ARHGAP42: variants seen among roughly 807,000 people sequenced by gnomAD.
The protein encoded by ARHGAP42 is Rho GTPase activating protein 42.
A neutral mutation model predicts 125.0 loss-of-function variants in ARHGAP42; 63 were observed. That is an observed-to-expected ratio of 0.50 (90% CI 0.41 to 0.62). The LOEUF (loss-of-function observed/expected upper bound fraction) is 0.62, where lower values mean the gene tolerates loss of function less well. Among genes scored for constraint, ARHGAP42 ranks in the 20% least tolerant of loss-of-function variants. ARHGAP42 has a pLI of 0.00. For synonymous variants in ARHGAP42, 339 were observed against 351.0 expected (o/e 0.97, Z 0.38); for missense variants, 766 against 1,024.2 (o/e 0.75, Z 3.44).
At chr11:100,895,074 A>T (rs564091419) in intron 4 of ARHGAP42, among the ~76,000 whole-genome samples, 1 of 152,326 alleles carries the variant, frequency 6.6e-6, no homozygotes, top group South Asian at 2.1e-4. Flanking sequence ...CAGAATGTTT[A>T]AGCTGAAATC....
intron 1 of ARHGAP42, among the ~76,000 whole-genome samples, chr11:100,770,090 C>G (rs1862937527): frequency 6.6e-6 from 1 of 152,116 alleles, no homozygotes; most frequent in Non-Finnish European, 1.5e-5. Flanking sequence ...GCCACCAAAA[C>G]TCTCTTAAAG....
rs141920224 is a variant in ARHGAP42, at chr11:100,876,300, T to C, written c.384+16675T>C. Reference sequence around the variant, plus strand: ...AAACCTTTTACCTTTGAAGAAAATATATACGTTCTTAGTTTAGGGCTATAG... The same window carrying C: ...AAACCTTTTACCTTTGAAGAAAATACATACGTTCTTAGTTTAGGGCTATAG... On this transcript the variant is annotated intron_variant, in intron 4 of 23. Coordinates refer to ENST00000298815, the MANE Select transcript of ARHGAP42 (RefSeq NM_152432.4). Among the ~76,000 whole-genome samples the C allele has an allele frequency of 3.9e-5, 6 of 152,328 alleles. No individual in the cohort carries two copies. The East Asian group carries it at 1.2e-3, about 29-fold the overall frequency.
rs182220524 is a variant in ARHGAP42, at chr11:100,944,625, A to G, written c.1043+757A>G. ...GGTTCCAAACCACTGTAATAAAGCG[A>G]ATATCATAATAAACTGAGTCACAGA... On this transcript the variant is annotated intron_variant, in intron 10 of 23. Transcript: ENST00000298815. 2.3e-3 allele frequency among the ~76,000 whole-genome samples: 354 copies of G among 152,128 alleles called. 1 individual carries two copies. Among genetic ancestry groups the G allele is most frequent in the African/African-American group, 8.2e-3 (341 of 41,526 alleles).
At chr11:100,845,076 GAT>G (rs148986702) in intron 3 of ARHGAP42, among the ~76,000 whole-genome samples, 48 of 148,258 alleles carry the variant, frequency 3.2e-4, no homozygotes, top group South Asian at 6.4e-4. Flanking sequence ...AAGAAACTGT[GAT>G]ATATATATAT....
chr11:100,799,900 A>G lies in ARHGAP42; in HGVS notation c.312+4734A>G, dbSNP rs191496447. Among the ~76,000 whole-genome samples the G allele has an allele frequency of 1.1e-4, 17 of 152,284 alleles. No individual in the cohort carries two copies. In the East Asian group the frequency reaches 2.3e-3, roughly 21 times the overall value. ...CGTAGTAGAAATGTGAAATGGTAAA[A>G]TGGTTGATTGGACAAGTGGAGAATA... is the stretch of plus-strand genomic sequence containing the variant. On this transcript the variant is annotated intron_variant, in intron 3 of 23. Transcript: ENST00000298815.
In ARHGAP42 at chr11:100,992,796, T is replaced by C; in HGVS notation, c.*3995T>C. ...AAATAAAGAATCTTACATAAGAATG[T>C]TGACAACATTCACAGTAAGCCATTG... On this transcript the variant is annotated 3_prime_UTR_variant, in exon 24 of 24. Coordinates refer to ENST00000298815, the MANE Select transcript of ARHGAP42 (RefSeq NM_152432.4). The C allele has an allele frequency of 7.3e-7, 1 of 1,374,202 alleles. No homozygotes were observed. Among genetic ancestry groups the C allele is most frequent in the Non-Finnish European group, 9.9e-7 (1 of 1,008,716 alleles). The allele number at this position is 1,374,202 out of a possible 1,614,324, so 85.1% of individuals were successfully genotyped here.
chr11:100,878,101 T>C (rs536984884), intron 4 of ARHGAP42, among the ~76,000 whole-genome samples: 2 of 151,400 alleles, frequency 1.3e-5, no homozygotes, highest in African/African-American at 4.8e-5. Flanking sequence ...AAAATGGTAA[T>C]AAATGCCAAT....
chr11:100,746,418 TTGACTGGAGGACCACCCTAG>T (rs1469210568), intron 1 of ARHGAP42, among the ~76,000 whole-genome samples: 5 of 152,226 alleles, frequency 3.3e-5, no homozygotes, highest in Non-Finnish European at 5.9e-5. Context: ...CCACGCCCAG[TTGACTGGAGGACCACCCTAG>T]TGGAAAGGGG....
At chr11:100,865,257 T>C (rs1213860983) in intron 4 of ARHGAP42, among the ~76,000 whole-genome samples, 1 of 152,198 alleles carries the variant, frequency 6.6e-6, no homozygotes, top group Non-Finnish European at 1.5e-5. Flanking sequence ...ATTAAGCATG[T>C]AATATCCAAA....
At position 100,700,061 on chromosome 11, in the gene ARHGAP42, G is replaced by A. The variant is rs113066589; in HGVS notation, c.154+12229G>A. On this transcript the variant is annotated intron_variant, in intron 1 of 23. Transcript: ENST00000298815. ...CCGGCAGATGTCAGAGATATTGCAG[G>A]TTTGGTTGCAGACCACCGCAATAAA... Among the ~76,000 whole-genome samples the A allele has an allele frequency of 3.7e-3, 562 of 152,126 alleles. 1 individual carries two copies. The highest frequency in any genetic ancestry group is 6.2e-3 in the Non-Finnish European group (421 of 68,004).
intron 1 of ARHGAP42, among the ~76,000 whole-genome samples, chr11:100,691,709 G>T (rs1367819808): frequency 6.6e-6 from 1 of 151,962 alleles, no homozygotes; most frequent in East Asian, 1.9e-4. Context: ...TAGAGTCGAG[G>T]TTTTCACCTT....
intron 3 of ARHGAP42, among the ~76,000 whole-genome samples, chr11:100,823,783 A>T (rs1591211342): frequency 6.6e-6 from 1 of 152,340 alleles, no homozygotes. Context: ...AAATATAAAC[A>T]ATTATTTATT....
chr11:100,919,950 C>T (rs1347754177), intron 5 of ARHGAP42, among the ~76,000 whole-genome samples: 1 of 152,148 alleles, frequency 6.6e-6, no homozygotes, highest in Non-Finnish European at 1.5e-5. Flanking sequence ...GGCTTTTCTC[C>T]CAAGACAGCC....
intron 1 of ARHGAP42, among the ~76,000 whole-genome samples, chr11:100,688,492 T>C (rs1679022593): frequency 6.6e-6 from 1 of 152,184 alleles, no homozygotes; most frequent in South Asian, 2.1e-4. Flanking sequence ...TTTGATGATC[T>C]GTAGAATATA....
rs2135344361 is a variant in ARHGAP42, at chr11:100,992,876, A to T, written c.*4075A>T. 1.4e-5 allele frequency: 6 copies of T among 418,536 alleles called. No individual in the cohort carries two copies. Among genetic ancestry groups the T allele is most frequent in the Non-Finnish European group, 2.6e-5 (6 of 233,264 alleles). The allele number at this position is 418,536 out of a possible 1,614,324, so 25.9% of individuals were successfully genotyped here. On this transcript the variant is annotated 3_prime_UTR_variant, in exon 24 of 24. Coordinates refer to ENST00000298815, the MANE Select transcript of ARHGAP42 (RefSeq NM_152432.4). ...AATGATTACAAGGTGTCTGTGGTTT[A>T]GGGGGCCCAGCCCATCATTCCTTTT...
chr11:100,837,685 T>A (rs11224481), intron 3 of ARHGAP42, among the ~76,000 whole-genome samples: 5,949 of 131,428 alleles, frequency 0.045, 411 homozygotes, highest in Non-Finnish European at 0.068. Context: ...TTTTTTTTTT[T>A]TTTTTTTTTT....
intron 8 of ARHGAP42, 25 bp from the exon 9 acceptor site, chr11:100,941,759 A>G (rs766265832): frequency 4.0e-4 from 570 of 1,412,814 alleles, no homozygotes; most frequent in Non-Finnish European, 5.1e-4. Context: ...ACAAAATCTG[A>G]AATTTTTTTG....
intron 4 of ARHGAP42, among the ~76,000 whole-genome samples, chr11:100,862,783 C>A (rs935094230): frequency 2.0e-5 from 3 of 152,048 alleles, no homozygotes; most frequent in African/African-American, 7.2e-5. Flanking sequence ...GTAATCCTAG[C>A]ACTTTCGGAG....
intron 4 of ARHGAP42, among the ~76,000 whole-genome samples, chr11:100,899,774 A>G (rs1591279336): frequency 7.6e-6 from 1 of 131,018 alleles, no homozygotes; most frequent in African/African-American, 2.8e-5. Flanking sequence ...ATCTTCCTCC[A>G]TCCCTTTGTT....
Sources: allele counts gnomAD v4.1 joint callset (sites outside exome capture counted in the v4.1 genomes callset), GRCh38; gene constraint gnomAD v4.1.1; transcripts MANE v1.5; gene names NCBI Gene and HGNC (gene_info 2026-07-23, HGNC 2026-07-21).